The following FNBP1 variants were observed in gnomAD, a reference collection of about 807,000 sequenced individuals.
FNBP1 encodes formin-binding protein 1.
FNBP1 carries 26 observed loss-of-function variants against 90.6 expected under a neutral mutation model. That is an observed-to-expected ratio of 0.29 (90% CI 0.21 to 0.40). FNBP1 has a LOEUF of 0.40. FNBP1 is among the 10% of genes least tolerant of loss of function. FNBP1 has a pLI of 1.00. For synonymous variants in FNBP1, 260 were observed against 265.2 expected (o/e 0.98, Z 0.19); for missense variants, 635 against 768.0 (o/e 0.83, Z 2.05).
chr9:129,970,275 G>A (rs1353742209), intron 4 of FNBP1, among the ~76,000 whole-genome samples: 2 of 151,368 alleles, frequency 1.3e-5, no homozygotes, highest in Admixed American at 1.3e-4. Flanking sequence ...GCGCGTTCTC[G>A]GCTCACTGCA....
chr9:129,994,138 G>A (rs1014532348), intron 2 of FNBP1, among the ~76,000 whole-genome samples: 6 of 152,224 alleles, frequency 3.9e-5, no homozygotes, highest in South Asian at 2.1e-4. Flanking sequence ...TCGTTGGAGC[G>A]CTACTCATTA....
chr9:129,929,729 T>C, intron 6 of FNBP1, 34 bp from the exon 7 acceptor site: 2 of 1,611,360 alleles, frequency 1.2e-6, no homozygotes, highest in Non-Finnish European at 1.7e-6. Flanking sequence ...CCTACGTTTA[T>C]ACACCATAGA....
intron 1 of FNBP1, among the ~76,000 whole-genome samples, chr9:130,010,887 T>C (rs1157067317): frequency 6.6e-6 from 1 of 151,412 alleles, no homozygotes; most frequent in Non-Finnish European, 1.5e-5. Flanking sequence ...AGAGTGCTAA[T>C]GAGCACTCTA....
intron 4 of FNBP1, among the ~76,000 whole-genome samples, chr9:129,965,478 T>C (rs1053813913): frequency 6.6e-6 from 1 of 152,118 alleles, no homozygotes; most frequent in Non-Finnish European, 1.5e-5. Context: ...CTGCTCACTG[T>C]TCCTCGGTTA....
chr9:130,017,871 GT>G (rs373281834), intron 1 of FNBP1, among the ~76,000 whole-genome samples: 7,088 of 93,768 alleles, frequency 0.076, 210 homozygotes, highest in Non-Finnish European at 0.1. Flanking sequence ...GTCTAACGTG[GT>G]TTTTTTTTTT....
In FNBP1 at chr9:129,888,085, G is replaced by A. The variant is rs115574264; in HGVS notation, c.*2454C>T. On this transcript the variant is annotated 3_prime_UTR_variant, in exon 17 of 17. Transcript: ENST00000446176. ...ACTCGCTATAACATTCTTTTTGGAC[G>A]CAGGTGGTGGAAAAGTTTAAAAAAC... 1,239 of 232,762 alleles carry A rather than the reference G, an allele frequency of 5.3e-3. 21 individuals carry two copies. Among genetic ancestry groups the A allele is most frequent in the African/African-American group, 0.026 (1,163 of 45,430 alleles). The allele number at this position is 232,762 out of a possible 1,614,324, so 14.4% of individuals were successfully genotyped here.
chr9:129,909,023 A>G, intron 11 of FNBP1, 24 bp from the exon 12 acceptor site: 1 of 1,539,614 alleles, frequency 6.5e-7, no homozygotes, highest in Non-Finnish European at 9.0e-7. Context: ...TATAAATGAG[A>G]AACCAGAAAG....
rs972910370 is a variant in FNBP1 at position 129,900,945 on chromosome 9, C to G, written c.1429-398G>C. 6.6e-6 allele frequency among the ~76,000 whole-genome samples: 1 copy of G among 152,184 alleles called. No homozygotes were observed. Among genetic ancestry groups the G allele is most frequent in the Non-Finnish European group, 1.5e-5 (1 of 68,044 alleles). Reference sequence around the variant, plus strand: ...TGACCATGAGGTCGCCCTGTGATACCTGAAGGTACAGCCATGCTTAAAGCA... The same window carrying G: ...TGACCATGAGGTCGCCCTGTGATACGTGAAGGTACAGCCATGCTTAAAGCA... On this transcript the variant is annotated intron_variant, in intron 13 of 16. Transcript: ENST00000446176. This position sits in a 1 kb window ranked among gnomAD's most constrained non-coding sequence, Gnocchi z 4.1.
chr9:129,942,069 CA>C lies in FNBP1; in HGVS notation c.514-12375del, dbSNP rs538638816. Among the ~76,000 whole-genome samples, 1,044 of 116,434 alleles carry C rather than the reference CA, an allele frequency of 9.0e-3. 3 individuals carry two copies. Among genetic ancestry groups the C allele is most frequent in the Non-Finnish European group, 0.014 (734 of 53,512 alleles). 76.4% of individuals were successfully genotyped at this position (116,434 alleles called of 152,430 possible). A position where few individuals can be genotyped will look rare whatever the true frequency, so the allele number is the denominator to read the frequency against. Reference sequence around the variant, plus strand: ...CTGGGAGACAGTGAGACTCTGTCTCCAAAAAAAAAAAACCAAAACCAAAACA... The same window carrying C: ...CTGGGAGACAGTGAGACTCTGTCTCCAAAAAAAAAAACCAAAACCAAAACA... On this transcript the variant is annotated intron_variant, in intron 6 of 16. Transcript: ENST00000446176.
chr9:129,964,359 G>A (rs1237680885), intron 4 of FNBP1, among the ~76,000 whole-genome samples: 4 of 152,138 alleles, frequency 2.6e-5, no homozygotes, highest in Admixed American at 6.6e-5. Flanking sequence ...GCCATCTCTA[G>A]AGACCCAGAG....
At chr9:130,027,665 G>C (rs1488395184) in intron 1 of FNBP1, among the ~76,000 whole-genome samples, 2 of 152,114 alleles carry the variant, frequency 1.3e-5, no homozygotes, top group African/African-American at 4.8e-5. Flanking sequence ...AGCTGGGAAG[G>C]CTTACAGGCT....
Position 130,041,789 on chromosome 9 carries a change from C to T in FNBP1, c.24+1163G>A, listed in dbSNP as rs540047179. Among the ~76,000 whole-genome samples, 176 of 152,252 alleles carry T rather than the reference C, an allele frequency of 1.2e-3. No homozygotes were observed. The highest frequency in any genetic ancestry group is 4.1e-3 in the African/African-American group (170 of 41,554). ...AAGCAAAAGAAAACAAAACAAAAAACAAGGGAGGATGTGCTCTGTTTCTGT... is the reference window on the plus strand; with the variant it reads ...AAGCAAAAGAAAACAAAACAAAAAATAAGGGAGGATGTGCTCTGTTTCTGT... On this transcript the variant is annotated intron_variant, in intron 1 of 16. Transcript: ENST00000446176. This position sits in a 1 kb window ranked among gnomAD's most constrained non-coding sequence, Gnocchi z 4.3.
At chr9:129,944,859 G>T (rs1366554580) in intron 6 of FNBP1, among the ~76,000 whole-genome samples, 1 of 152,154 alleles carries the variant, frequency 6.6e-6, no homozygotes, top group African/African-American at 2.4e-5. Flanking sequence ...CAAGCTCTTA[G>T]CCATGGGCTA....
At chr9:130,005,955 C>T (rs1001536636) in intron 1 of FNBP1, among the ~76,000 whole-genome samples, 1 of 151,660 alleles carries the variant, frequency 6.6e-6, no homozygotes, top group Non-Finnish European at 1.5e-5. Context: ...GGGTGCTGTG[C>T]TCCCTGGGTT....
At chr9:129,956,277 C>T (rs1178645137) in intron 6 of FNBP1, among the ~76,000 whole-genome samples, 2 of 152,192 alleles carry the variant, frequency 1.3e-5, no homozygotes, top group Admixed American at 1.3e-4. Context: ...TAATAGTTCA[C>T]ACCATTTCCC....
At chr9:130,035,369 T>A (rs1434408030) in intron 1 of FNBP1, among the ~76,000 whole-genome samples, 1 of 152,174 alleles carries the variant, frequency 6.6e-6, no homozygotes, top group Non-Finnish European at 1.5e-5. Flanking sequence ...GATTCTTGTG[T>A]CTGCTCTGGA....
At chr9:129,940,133 C>T (rs114242450) in intron 6 of FNBP1, among the ~76,000 whole-genome samples, 27 of 152,108 alleles carry the variant, frequency 1.8e-4, no homozygotes, top group African/African-American at 6.0e-4. Flanking sequence ...CCCGGGAGTT[C>T]GAGGCTATAG....
rs147421472 is a variant in FNBP1 at position 129,977,372 on chromosome 9, G to A, written c.345+1093C>T. On this transcript the variant is annotated intron_variant, in intron 4 of 16. Transcript: ENST00000446176. ...CTATTTATGAAAAGACGATAATGGT[G>A]GCAAGAGGAACAATAAGGTTTGCTT... Among the ~76,000 whole-genome samples the A allele has an allele frequency of 1.3e-4, 20 of 152,196 alleles. No homozygotes were observed. The East Asian group carries it at 3.9e-3, about 29-fold the overall frequency.
At chr9:129,891,446 C>A (rs751981332) in intron 16 of FNBP1, among the ~76,000 whole-genome samples, 1 of 152,170 alleles carries the variant, frequency 6.6e-6, no homozygotes. Flanking sequence ...GCTTGGGCAA[C>A]AGAGTGAGAA....
Sources: gnomAD v4.1 joint callset for allele counts (sites outside exome capture counted in the v4.1 genomes callset) on GRCh38, gnomAD v4.1.1 for gene constraint, Gnocchi (gnomAD v3.1) non-coding constraint, MANE v1.5 for transcripts, NCBI Gene and HGNC (gene_info 2026-07-23, HGNC 2026-07-21) for gene names.